Variants in GRIK1 observed in about 807,000 individuals in gnomAD.
The protein encoded by GRIK1 is glutamate receptor ionotropic, kainate 1.
Under a neutral mutation model 105.7 loss-of-function variants are expected in GRIK1, and 69 were observed. The ratio of observed to expected loss-of-function variants is 0.65; its 90% CI spans 0.54 to 0.80. The LOEUF is 0.80. Ranked by LOEUF, GRIK1 falls within the 30% of genes least tolerant of loss-of-function variation. The pLI is 0.00. For missense variants in GRIK1, 1,109 were observed against 1,167.3 expected (o/e 0.95, Z 0.73); for synonymous variants, 438 against 431.3 (o/e 1.02, Z -0.19).
intron 1 of GRIK1, among the ~76,000 whole-genome samples, chr21:29,843,369 G>A (rs1164806138): frequency 1.3e-5 from 2 of 152,012 alleles, no homozygotes; most frequent in Non-Finnish European, 2.9e-5. Context: ...ATTTATTTTT[G>A]TTTTTAGTGT....
chr21:29,796,265 T>A (rs879841961), intron 1 of GRIK1, among the ~76,000 whole-genome samples: 7 of 152,142 alleles, frequency 4.6e-5, no homozygotes, highest in Admixed American at 2.6e-4. Flanking sequence ...CTTCATTCTA[T>A]CCCCAAGGCT....
At chr21:29,542,803 C>T (rs1190637011) in intron 16 of GRIK1, among the ~76,000 whole-genome samples, 3 of 152,202 alleles carry the variant, frequency 2.0e-5, no homozygotes, top group African/African-American at 4.8e-5. Context: ...GCCAATAATA[C>T]AATACAAATC....
intron 1 of GRIK1, among the ~76,000 whole-genome samples, chr21:29,831,569 C>T (rs971883433): frequency 6.6e-6 from 1 of 152,030 alleles, no homozygotes; most frequent in African/African-American, 2.4e-5. Flanking sequence ...TCTTACATGG[C>T]CAGAAGAGAA....
chr21:29,919,401 G>T (rs565436897), intron 1 of GRIK1, among the ~76,000 whole-genome samples: 2 of 152,224 alleles, frequency 1.3e-5, no homozygotes, highest in East Asian at 3.9e-4. Context: ...CAGATTAGTG[G>T]CTATGCACAC....
intron 1 of GRIK1, among the ~76,000 whole-genome samples, chr21:29,896,921 T>C (rs2070188468): frequency 6.6e-6 from 1 of 152,198 alleles, no homozygotes; most frequent in Admixed American, 6.5e-5. Context: ...GAGCTTATTG[T>C]CAAGGGCACT....
chr21:29,605,125 G>A (rs186464665), intron 7 of GRIK1, among the ~76,000 whole-genome samples: 30 of 152,038 alleles, frequency 2.0e-4, no homozygotes, highest in Non-Finnish European at 4.4e-5. Context: ...ACAGGTAAAC[G>A]TGTGCCATGG....
At chr21:29,610,497 G>A (rs2146368607) in intron 7 of GRIK1, among the ~76,000 whole-genome samples, 1 of 152,242 alleles carries the variant, frequency 6.6e-6, no homozygotes, top group East Asian at 1.9e-4. Context: ...ATTGAAAGAT[G>A]CTACTTTCAA....
At chr21:29,855,708 A>G (rs1173767760) in intron 1 of GRIK1, among the ~76,000 whole-genome samples, 3 of 152,220 alleles carry the variant, frequency 2.0e-5, no homozygotes, top group African/African-American at 7.2e-5. Flanking sequence ...AAAGAGGCAT[A>G]GGAAAGACTT....
chr21:29,869,837 A>G (rs1569176742), intron 1 of GRIK1, among the ~76,000 whole-genome samples: 1 of 152,196 alleles, frequency 6.6e-6, no homozygotes, highest in Non-Finnish European at 1.5e-5. Context: ...TAACTTAATT[A>G]CACTGTATTT....
At chr21:29,544,917 G>A (rs1447255926) in intron 16 of GRIK1, among the ~76,000 whole-genome samples, 4 of 152,154 alleles carry the variant, frequency 2.6e-5, no homozygotes, top group African/African-American at 9.7e-5. Context: ...CCTTCTCTGG[G>A]GGCAAACTCC....
At chr21:29,629,497 CTT>C (rs376423917) in intron 7 of GRIK1, among the ~76,000 whole-genome samples, 1 of 148,032 alleles carries the variant, frequency 6.8e-6, no homozygotes, top group African/African-American at 2.5e-5. Context: ...TTCTTTCTTT[CTT>C]TTTTTTTTTG....
chr21:29,622,271 GA>G (rs1353084157), intron 7 of GRIK1, among the ~76,000 whole-genome samples: 3 of 152,146 alleles, frequency 2.0e-5, no homozygotes, highest in Admixed American at 1.3e-4. Flanking sequence ...CTTGCTCAAA[GA>G]ATCCTATAGT....
At chr21:29,550,055 C>G (rs1015755326) in intron 16 of GRIK1, among the ~76,000 whole-genome samples, 2 of 126,418 alleles carry the variant, frequency 1.6e-5, no homozygotes, top group African/African-American at 5.8e-5. Flanking sequence ...TTGCAGTGAG[C>G]CAAGATGGCG....
intron 1 of GRIK1, among the ~76,000 whole-genome samples, chr21:29,885,558 A>C (rs1340834271): frequency 6.6e-6 from 1 of 152,108 alleles, no homozygotes; most frequent in Non-Finnish European, 1.5e-5. Flanking sequence ...TTGTCTTAGA[A>C]AACTTGCTTC....
At chr21:29,741,825 G>T (rs1253389208) in intron 1 of GRIK1, among the ~76,000 whole-genome samples, 1 of 152,182 alleles carries the variant, frequency 6.6e-6, no homozygotes, top group African/African-American at 2.4e-5. Flanking sequence ...GTAGAAAATT[G>T]ATTGCCGTTG....
intron 4 of GRIK1, among the ~76,000 whole-genome samples, chr21:29,659,570 T>C (rs1376985354): frequency 6.6e-6 from 1 of 152,176 alleles, no homozygotes; most frequent in Non-Finnish European, 1.5e-5. Context: ...CTACTGTACA[T>C]GGAAATGCCA....
chr21:29,628,899 C>A (rs2062193450), intron 7 of GRIK1, among the ~76,000 whole-genome samples: 2 of 152,098 alleles, frequency 1.3e-5, no homozygotes, highest in Admixed American at 1.3e-4. Context: ...TGAAGATGAA[C>A]AATGGATTCC....
intron 7 of GRIK1, among the ~76,000 whole-genome samples, chr21:29,620,869 ATT>A (rs1568897994): frequency 2.0e-5 from 3 of 147,516 alleles, no homozygotes; most frequent in African/African-American, 7.4e-5. Flanking sequence ...AGTTATATAT[ATT>A]ATTTCCTAGA....
intron 1 of GRIK1, among the ~76,000 whole-genome samples, chr21:29,848,757 A>G (rs456249): frequency 0.047 from 1,446 of 30,970 alleles, 45 homozygotes; most frequent in African/African-American, 0.076. Flanking sequence ...TTGTGTGTGT[A>G]TATATATATA....
Sources: gnomAD v4.1 joint callset for allele counts (sites outside exome capture counted in the v4.1 genomes callset) on GRCh38, gnomAD v4.1.1 for gene constraint, MANE v1.5 for transcripts, NCBI Gene and HGNC (gene_info 2026-07-23, HGNC 2026-07-21) for gene names.